FAM120A: variants seen among roughly 807,000 people sequenced by gnomAD.
FAM120A encodes the protein constitutive coactivator of PPAR-gamma-like protein 1.
FAM120A carries 15 observed loss-of-function variants against 109.7 expected under a neutral mutation model. The observed-to-expected ratio is 0.14, with a 90% CI of 0.09 to 0.21. The LOEUF (loss-of-function observed/expected upper bound fraction) is 0.21, where lower values mean the gene tolerates loss of function less well. Ranked by LOEUF, FAM120A falls within the 10% of genes least tolerant of loss-of-function variation. The pLI is 1.00. For missense variants in FAM120A, 899 were observed against 1,439.3 expected, an observed-to-expected ratio of 0.62 and a Z score of 6.07; for synonymous variants, 493 against 572.8, an observed-to-expected ratio of 0.86 and a Z score of 1.99.
intron 1 of FAM120A, among the ~76,000 whole-genome samples, chr9:93,467,747 A>C (rs1457113277): frequency 6.6e-6 from 1 of 152,194 alleles, no homozygotes; most frequent in African/African-American, 2.4e-5. Flanking sequence ...TTAGAGTTGT[A>C]CTGAATTATT....
chr9:93,557,176 C>G (rs1862314316), intron 13 of FAM120A, among the ~76,000 whole-genome samples: 1 of 140,338 alleles, frequency 7.1e-6, no homozygotes, highest in African/African-American at 2.8e-5. Flanking sequence ...GTCGCCCAGG[C>G]TGGAGTGCAG....
At chr9:93,548,473 A>G (rs1428271756) in intron 11 of FAM120A, among the ~76,000 whole-genome samples, 1 of 152,134 alleles carries the variant, frequency 6.6e-6, no homozygotes, top group Non-Finnish European at 1.5e-5. Context: ...TCAGTCTGGG[A>G]AGATGAAAGG....
At chr9:93,556,960 T>G (rs1032620013) in intron 13 of FAM120A, among the ~76,000 whole-genome samples, 2 of 152,172 alleles carry the variant, frequency 1.3e-5, no homozygotes, top group African/African-American at 4.8e-5. Flanking sequence ...TAAAGACACC[T>G]TATATAATAT....
At chr9:93,471,810 T>C (rs2131261451) in intron 2 of FAM120A, among the ~76,000 whole-genome samples, 1 of 152,348 alleles carries the variant, frequency 6.6e-6, no homozygotes, top group South Asian at 2.1e-4. Flanking sequence ...TACTCACTAC[T>C]TTAAAAGAGA....
chr9:93,504,356 T>A (rs974999710), intron 5 of FAM120A, among the ~76,000 whole-genome samples: 1 of 152,172 alleles, frequency 6.6e-6, no homozygotes, highest in Non-Finnish European at 1.5e-5. Context: ...GTAAAAAAAA[T>A]GATTTTGTAA....
In FAM120A at chr9:93,542,849, G is replaced by A. The variant is rs986049167; in HGVS notation, c.1910-373G>A. Among the ~76,000 whole-genome samples, 5 of 152,292 alleles carry A rather than the reference G, an allele frequency of 3.3e-5. No homozygotes were observed. In the South Asian group the frequency reaches 1.0e-3, roughly 32 times the overall value. ...TGGATTTTGCATGTTAAAATAATTAGATAACCACATACTTCCGTGAATTAC... is the reference window on the plus strand; with the variant it reads ...TGGATTTTGCATGTTAAAATAATTAAATAACCACATACTTCCGTGAATTAC... On this transcript the variant is annotated intron_variant, in intron 10 of 17. Transcript: ENST00000277165.
intron 7 of FAM120A, among the ~76,000 whole-genome samples, chr9:93,521,704 T>C (rs1261992265): frequency 6.6e-6 from 1 of 152,270 alleles, no homozygotes; most frequent in Non-Finnish European, 1.5e-5. Context: ...TTATTCTTGT[T>C]TAAATTTTAA....
chr9:93,476,512 C>T (rs952520032), intron 3 of FAM120A, among the ~76,000 whole-genome samples, 174 bp downstream of exon 3: 1 of 152,154 alleles, frequency 6.6e-6, no homozygotes, highest in African/African-American at 2.4e-5. Context: ...TGCTACCATC[C>T]CTTGTTCTCA....
chr9:93,480,767 T>C (rs1245754125), intron 3 of FAM120A, among the ~76,000 whole-genome samples: 1 of 152,178 alleles, frequency 6.6e-6, no homozygotes, highest in Non-Finnish European at 1.5e-5. Flanking sequence ...ATCCTTTCAA[T>C]GTGTTTTTGG....
intron 3 of FAM120A, among the ~76,000 whole-genome samples, chr9:93,493,774 G>A (rs754088063): frequency 1.7e-4 from 26 of 152,298 alleles, no homozygotes; most frequent in Middle Eastern, 6.8e-3. Flanking sequence ...TGTGGGTTTT[G>A]GGCAGAGTCC....
chr9:93,534,516 T>TGGTGGCAGCA (rs1233116898), intron 10 of FAM120A, among the ~76,000 whole-genome samples: 15 of 152,172 alleles, frequency 9.9e-5, no homozygotes, highest in African/African-American at 3.4e-4. Flanking sequence ...CAAAACAGGA[T>TGGTGGCAGCA]GGTGGCAGCA....
chr9:93,502,016 A>C (rs1413015621), intron 5 of FAM120A, among the ~76,000 whole-genome samples: 1 of 152,210 alleles, frequency 6.6e-6, no homozygotes, highest in African/African-American at 2.4e-5. Flanking sequence ...GTTAGAACCC[A>C]TGATGTATTT....
At chr9:93,471,520 T>C in intron 2 of FAM120A, 133 bp downstream of exon 2, 1 of 1,069,072 alleles carries the variant, frequency 9.4e-7, no homozygotes, top group Non-Finnish European at 1.4e-6. Context: ...CGTGGGCTCT[T>C]CCTTAGCATT....
intron 7 of FAM120A, chr9:93,523,209 C>A: frequency 1.5e-6 from 1 of 658,370 alleles, no homozygotes; most frequent in Admixed American, 2.9e-5. Context: ...GATCTGGTAT[C>A]CCAGGAAGTT....
rs144496996 is a variant in FAM120A, at chr9:93,476,366, A to G, written c.804+28A>G. On this transcript the variant is annotated intron_variant, in intron 3 of 17. Coordinates refer to ENST00000277165, the MANE Select transcript of FAM120A (RefSeq NM_014612.5). ...ACAAATTTCACTTTATTTTTCTAGCATTTGTAATAATCAACTGTGAGTTTG... is the reference window on the plus strand; with the variant it reads ...ACAAATTTCACTTTATTTTTCTAGCGTTTGTAATAATCAACTGTGAGTTTG... 1.6e-4 allele frequency: 220 copies of G among 1,410,030 alleles called. 1 individual carries two copies. The East Asian group carries it at 4.7e-3, about 30-fold the overall frequency. 87.3% of individuals were successfully genotyped at this position (1,410,030 alleles called of 1,614,324 possible).
intron 3 of FAM120A, among the ~76,000 whole-genome samples, chr9:93,491,776 G>A (rs949749720): frequency 6.6e-6 from 1 of 151,778 alleles, no homozygotes; most frequent in Non-Finnish European, 1.5e-5. Context: ...ATGTACATAT[G>A]GTTCTAGCTC....
intron 7 of FAM120A, among the ~76,000 whole-genome samples, chr9:93,517,618 A>G (rs1564340104): frequency 1.3e-5 from 2 of 152,242 alleles, no homozygotes; most frequent in Non-Finnish European, 2.9e-5. Context: ...TGTTCTTTCT[A>G]AACTGTGAAA....
At chr9:93,490,304 A>G (rs576964689) in intron 3 of FAM120A, among the ~76,000 whole-genome samples, 1 of 152,356 alleles carries the variant, frequency 6.6e-6, no homozygotes, top group East Asian at 1.9e-4. Context: ...CTTTGGGAGC[A>G]GTGGCACCAA....
chr9:93,523,934 T>TA (rs1433278487), intron 7 of FAM120A, among the ~76,000 whole-genome samples: 1 of 152,210 alleles, frequency 6.6e-6, no homozygotes, highest in African/African-American at 2.4e-5. Context: ...GGCACCCAGA[T>TA]ACTGGTGCTT....
Sources: gnomAD v4.1 joint callset for allele counts (sites outside exome capture counted in the v4.1 genomes callset) on GRCh38, gnomAD v4.1.1 for gene constraint, MANE v1.5 for transcripts, NCBI Gene and HGNC (gene_info 2026-07-23, HGNC 2026-07-21) for gene names.